WDR59: variants seen among roughly 807,000 people sequenced by gnomAD.
WDR59 encodes the protein WD repeat domain 59, also known as GATOR2 complex protein WDR59.
Under a neutral mutation model 131.2 loss-of-function variants are expected in WDR59, and 100 were observed. The observed-to-expected ratio is 0.76, with a 90% CI of 0.65 to 0.90. The LOEUF is 0.90. WDR59 is among the 40% of genes least tolerant of loss of function. WDR59 has a pLI of 0.00. For synonymous variants in WDR59, 601 were observed against 466.2 expected, an observed-to-expected ratio of 1.29 and a Z score of -3.72; for missense variants, 1,203 against 1,262.2, an observed-to-expected ratio of 0.95 and a Z score of 0.71.
intron 1 of WDR59, among the ~76,000 whole-genome samples, chr16:74,969,923 G>C (rs2033915405): frequency 1.3e-5 from 2 of 151,266 alleles, no homozygotes; most frequent in Non-Finnish European, 1.5e-5. Context: ...ATTTTTGTGG[G>C]ATTTTGGGGG....
chr16:74,940,989 C>T (rs1249376124), intron 7 of WDR59, among the ~76,000 whole-genome samples: 1 of 151,864 alleles, frequency 6.6e-6, no homozygotes, highest in African/African-American at 2.4e-5. Context: ...CAGGTGTGAG[C>T]CACCGCGCCC....
chr16:74,899,873 A>G (rs1026347422), intron 18 of WDR59: 1 of 743,488 alleles, frequency 1.3e-6, no homozygotes, highest in South Asian at 1.5e-5. Flanking sequence ...AATGTACCAT[A>G]ATACACTGTA....
At chr16:74,901,746 A>G (rs140530038) in intron 18 of WDR59, among the ~76,000 whole-genome samples, 1 of 152,278 alleles carries the variant, frequency 6.6e-6, no homozygotes, top group East Asian at 1.9e-4. Context: ...AAGTGACATC[A>G]TTTGACATGT....
intron 8 of WDR59, among the ~76,000 whole-genome samples, chr16:74,927,505 T>G (rs1013596968): frequency 6.7e-6 from 1 of 150,072 alleles, no homozygotes; most frequent in Non-Finnish European, 1.5e-5. Flanking sequence ...GGAGAATTGC[T>G]TGAACCCCGG....
chr16:74,902,339 C>A (rs1329260810), intron 18 of WDR59, among the ~76,000 whole-genome samples: 1 of 152,146 alleles, frequency 6.6e-6, no homozygotes, highest in African/African-American at 2.4e-5. Context: ...TGAAATTTCA[C>A]AACTCTTCTC....
At chr16:74,874,549 T>C (rs965662928) in intron 25 of WDR59, 105 bp from the exon 26 acceptor site, 5 of 847,968 alleles carry the variant, frequency 5.9e-6, no homozygotes, top group African/African-American at 5.1e-5. Context: ...CTCAAGACTC[T>C]AGCAGATTCT....
chr16:74,951,349 G>T, intron 4 of WDR59, 109 bp downstream of exon 4: 1 of 1,107,356 alleles, frequency 9.0e-7, no homozygotes, highest in Non-Finnish European at 1.3e-6. Context: ...CCCGGGACCT[G>T]TGCAACACAG....
At chr16:74,940,854 C>T (rs1345879890) in intron 7 of WDR59, among the ~76,000 whole-genome samples, 2 of 151,934 alleles carry the variant, frequency 1.3e-5, no homozygotes, top group African/African-American at 2.4e-5. Flanking sequence ...TACAGGCGCC[C>T]GCCATCACGC....
At chr16:74,885,519 T>A (rs916741498) in intron 25 of WDR59, 134 bp downstream of exon 25, 112 of 914,454 alleles carry the variant, frequency 1.2e-4, no homozygotes, top group Non-Finnish European at 1.6e-4. Flanking sequence ...ATGCTTGGAA[T>A]AGACTCAAAA....
At chr16:74,940,232 A>G (rs902868247) in intron 7 of WDR59, among the ~76,000 whole-genome samples, 2 of 152,084 alleles carry the variant, frequency 1.3e-5, no homozygotes, top group Non-Finnish European at 2.9e-5. Context: ...TAAAAAAATT[A>G]GCCAGGCGTG....
intron 2 of WDR59, among the ~76,000 whole-genome samples, chr16:74,958,736 C>T (rs983974520): frequency 4.0e-5 from 6 of 151,206 alleles, no homozygotes; most frequent in African/African-American, 1.5e-4. Context: ...TAGAAGACAA[C>T]AAGCAGAACA....
chr16:74,935,025 T>A (rs1453201055), intron 8 of WDR59, among the ~76,000 whole-genome samples: 2 of 152,032 alleles, frequency 1.3e-5, no homozygotes, highest in African/African-American at 2.4e-5. Flanking sequence ...GGTCAGGAGT[T>A]TGAAACCAGC....
At chr16:74,904,781 A>T (rs1401048735) in intron 17 of WDR59, among the ~76,000 whole-genome samples, 2 of 152,246 alleles carry the variant, frequency 1.3e-5, no homozygotes, top group African/African-American at 4.8e-5. Flanking sequence ...AGAAAAGTAC[A>T]TTATGAATGT....
chr16:74,976,428 T>C (rs1332100671), intron 1 of WDR59, among the ~76,000 whole-genome samples: 3 of 151,754 alleles, frequency 2.0e-5, no homozygotes, highest in Non-Finnish European at 4.4e-5. Flanking sequence ...CGAACGTTTT[T>C]CTTTTTCTTT....
At chr16:74,961,132 C>A (rs1669507133) in intron 2 of WDR59, among the ~76,000 whole-genome samples, 1 of 142,630 alleles carries the variant, frequency 7.0e-6, no homozygotes, top group African/African-American at 2.5e-5. Context: ...ACAGGGAGAC[C>A]CTGTCTCTAC....
intron 17 of WDR59, chr16:74,908,707 G>C (rs1965936273): frequency 4.2e-6 from 2 of 474,546 alleles, no homozygotes; most frequent in Middle Eastern, 3.0e-4. Flanking sequence ...TCTTCTAATG[G>C]TTTGGTAATA....
chr16:74,930,519 CAAAT>C (rs1008578717), intron 8 of WDR59, among the ~76,000 whole-genome samples: 2 of 151,578 alleles, frequency 1.3e-5, no homozygotes, highest in Non-Finnish European at 2.9e-5. Context: ...ACACAAAAAT[CAAAT>C]AAAGAAAAAT....
intron 8 of WDR59, among the ~76,000 whole-genome samples, chr16:74,926,309 C>A (rs965688905): frequency 6.6e-6 from 1 of 152,072 alleles, no homozygotes; most frequent in Non-Finnish European, 1.5e-5. Flanking sequence ...CTGCCCACCT[C>A]GGCCTCCCAG....
intron 6 of WDR59, among the ~76,000 whole-genome samples, chr16:74,947,943 G>A (rs147225041): frequency 0.016 from 2,396 of 152,160 alleles, 60 homozygotes; most frequent in African/African-American, 0.055. Flanking sequence ...GGTGGCAGGC[G>A]CCTGTAATCC....
Sources: gnomAD v4.1 joint callset for allele counts (sites outside exome capture counted in the v4.1 genomes callset) on GRCh38, gnomAD v4.1.1 for gene constraint, MANE v1.5 for transcripts, NCBI Gene and HGNC (gene_info 2026-07-23, HGNC 2026-07-21) for gene names.